Variants in ARHGEF6 observed in about 807,000 individuals in gnomAD.
The protein encoded by ARHGEF6 is Rac/Cdc42 guanine nucleotide exchange factor 6.
Under a neutral mutation model 70.3 loss-of-function variants are expected in ARHGEF6, and 9 were observed. The ratio of observed to expected loss-of-function variants is 0.13; its 90% CI spans 0.08 to 0.22. The LOEUF is 0.22. ARHGEF6 is among the 10% of genes least tolerant of loss of function. ARHGEF6 has a pLI of 1.00. For synonymous variants in ARHGEF6, 201 were observed against 207.8 expected (o/e 0.97, Z 0.28); for missense variants, 470 against 563.0 (o/e 0.83, Z 1.67).
rs777096279 is a variant in ARHGEF6, at chrX:136,767,475, T to A, written c.249+11939A>T. The A allele has an allele frequency of 5.3e-6, 4 of 754,064 alleles. No individual in the cohort carries two copies. In the Admixed American group the frequency reaches 2.6e-4, roughly 48 times the overall value. 62.1% of individuals were successfully genotyped at this position (754,064 alleles called of 1,213,427 possible). A position where few individuals can be genotyped will look rare whatever the true frequency, so the allele number is the denominator to read the frequency against. ...AACCTCTCCAGCCCAGGGATTGTTT[T>A]TTAATCTAAAGGGAAGTCAGAGTCT... On this transcript the variant is annotated intron_variant, in intron 2 of 21. Coordinates refer to ENST00000250617, the MANE Select transcript of ARHGEF6 (RefSeq NM_004840.3).
intron 6 of ARHGEF6, among the ~76,000 whole-genome samples, chrX:136,727,987 TG>T (rs1206742930): frequency 1.8e-5 from 2 of 111,817 alleles, no homozygotes; most frequent in African/African-American, 3.3e-5. Context: ...AATGAGACCA[TG>T]GGTGCCAAGA....
chrX:136,736,830 C>A (rs930107536), intron 5 of ARHGEF6, among the ~76,000 whole-genome samples: 3 of 111,521 alleles, frequency 2.7e-5, no homozygotes, highest in Non-Finnish European at 5.6e-5. Flanking sequence ...AAACGCCACT[C>A]CCCAAGGGCA....
At chrX:136,678,253 C>G (rs763276640) in intron 16 of ARHGEF6, among the ~76,000 whole-genome samples, 5 of 111,516 alleles carry the variant, frequency 4.5e-5, no homozygotes, top group Non-Finnish European at 9.4e-5. Flanking sequence ...AGTGATCATG[C>G]CTTAGTTTTA....
chrX:136,747,769 G>A (rs1359859450), intron 2 of ARHGEF6, among the ~76,000 whole-genome samples, 177 bp from the exon 3 acceptor site: 9 of 106,259 alleles, frequency 8.5e-5, no homozygotes, highest in African/African-American at 1.7e-4. Context: ...CAGTTGAGCC[G>A]CCTAATGACA....
At chrX:136,740,587 G>A (rs756389793) in intron 5 of ARHGEF6, among the ~76,000 whole-genome samples, 13 of 111,182 alleles carry the variant, frequency 1.2e-4, no homozygotes, top group Non-Finnish European at 2.3e-4. Flanking sequence ...CCTAAGCTGA[G>A]TCCTAAACCA....
chrX:136,687,674 C>T (rs1704043948), intron 11 of ARHGEF6, among the ~76,000 whole-genome samples: 1 of 112,033 alleles, frequency 8.9e-6, no homozygotes, highest in Non-Finnish European at 1.9e-5. Flanking sequence ...CCCCCACCTA[C>T]ACACCAATGC....
At chrX:136,780,568 T>C (rs2306223) in intron 1 of ARHGEF6, 150 bp downstream of exon 1, 24,238 of 609,555 alleles carry the variant, frequency 0.04, 1,302 homozygotes, top group African/African-American at 0.25. Flanking sequence ...ATTTTCAAAC[T>C]ACAAAAACAG....
intron 2 of ARHGEF6, among the ~76,000 whole-genome samples, chrX:136,752,549 C>A (rs73565148): frequency 8.9e-6 from 1 of 112,107 alleles, no homozygotes; most frequent in Non-Finnish European, 1.9e-5. Flanking sequence ...AGTCTAGCCA[C>A]ATCTTAGTTA....
chrX:136,747,237 C>T (rs2077103012), intron 3 of ARHGEF6, among the ~76,000 whole-genome samples: 1 of 111,097 alleles, frequency 9.0e-6, no homozygotes, highest in South Asian at 3.7e-4. Flanking sequence ...TTTTGTTATA[C>T]TCAGTTGGTG....
intron 19 of ARHGEF6, 43 bp from the exon 20 acceptor site, chrX:136,672,162 T>C: frequency 7.2e-6 from 7 of 969,452 alleles, no homozygotes; most frequent in Non-Finnish European, 1.0e-5. Flanking sequence ...GGAGAGTTAC[T>C]AGTGAAGAGT....
intron 13 of ARHGEF6, among the ~76,000 whole-genome samples, chrX:136,682,191 A>G (rs1420236247): frequency 8.9e-6 from 1 of 112,391 alleles, no homozygotes; most frequent in Admixed American, 9.4e-5. Flanking sequence ...CTATAAGATC[A>G]GGATTTACAA....
chrX:136,745,088 C>T (rs1456563152), intron 4 of ARHGEF6, 135 bp downstream of exon 4: 14 of 875,913 alleles, frequency 1.6e-5, no homozygotes, highest in Non-Finnish European at 1.8e-5. Flanking sequence ...AATTGGTGCT[C>T]GGTTTATAAT....
intron 2 of ARHGEF6, among the ~76,000 whole-genome samples, chrX:136,749,130 T>C (rs1002535457): frequency 5.3e-5 from 6 of 112,219 alleles, no homozygotes; most frequent in African/African-American, 1.9e-4. Context: ...ACATTCCAAA[T>C]ATATTTCTGA....
intron 9 of ARHGEF6, among the ~76,000 whole-genome samples, chrX:136,704,160 G>A (rs1458151038): frequency 3.6e-5 from 4 of 112,196 alleles, no homozygotes; most frequent in African/African-American, 9.7e-5. Flanking sequence ...TAGCCAATAA[G>A]CAAGATGAAA....
At chrX:136,756,032 G>A (rs962084719) in intron 2 of ARHGEF6, among the ~76,000 whole-genome samples, 25 of 111,265 alleles carry the variant, frequency 2.2e-4, no homozygotes, top group African/African-American at 7.9e-4. Flanking sequence ...TGCCTGTCAC[G>A]CAGTAGGCAC....
At chrX:136,704,087 T>C (rs1256861144) in intron 9 of ARHGEF6, among the ~76,000 whole-genome samples, 1 of 112,160 alleles carries the variant, frequency 8.9e-6, no homozygotes, top group Non-Finnish European at 1.9e-5. Context: ...AAAAGATAGC[T>C]AACTGAATTT....
chrX:136,684,067 A>G (rs1053326765), intron 12 of ARHGEF6, among the ~76,000 whole-genome samples: 2 of 111,648 alleles, frequency 1.8e-5, no homozygotes, highest in African/African-American at 6.5e-5. Context: ...CCCTAACTGC[A>G]CCCCCATTGC....
chrX:136,767,559 C>T (rs996217992), intron 2 of ARHGEF6: 2 of 753,357 alleles, frequency 2.7e-6, no homozygotes, highest in Non-Finnish European at 3.1e-6. Context: ...ATCGCGGGGC[C>T]GAACTGGGGG....
chrX:136,670,324 C>T (rs1488491811), intron 20 of ARHGEF6, among the ~76,000 whole-genome samples: 2 of 111,653 alleles, frequency 1.8e-5, no homozygotes, highest in African/African-American at 6.5e-5. Context: ...GTCAATTATC[C>T]CTCAACAAAG....
Sources: gnomAD v4.1 joint callset for allele counts (sites outside exome capture counted in the v4.1 genomes callset) on GRCh38, gnomAD v4.1.1 for gene constraint, MANE v1.5 for transcripts, NCBI Gene and HGNC (gene_info 2026-07-23, HGNC 2026-07-21) for gene names.